The following MEGF9 variants were observed in gnomAD, a reference collection of about 807,000 sequenced individuals.
MEGF9 encodes the protein multiple epidermal growth factor-like domains protein 9.
A neutral mutation model predicts 46.8 loss-of-function variants in MEGF9; 6 were observed. The ratio of observed to expected loss-of-function variants is 0.13; its 90% confidence interval spans 0.07 to 0.25. MEGF9 has a LOEUF of 0.25. Among genes scored for constraint, MEGF9 ranks in the 10% least tolerant of loss-of-function variants. MEGF9 has a pLI of 1.00. For missense variants in MEGF9, 683 were observed against 792.4 expected (o/e 0.86, Z 1.66); for synonymous variants, 302 against 330.7 (o/e 0.91, Z 0.94).
At chr9:120,649,412 C>T (rs918108723) in intron 2 of MEGF9, among the ~76,000 whole-genome samples, 2 of 152,142 alleles carry the variant, frequency 1.3e-5, no homozygotes, top group African/African-American at 2.4e-5. Context: ...ACTCTGGTTT[C>T]CTCTCACATC....
At chr9:120,619,143 C>T (rs966971279) in intron 3 of MEGF9, among the ~76,000 whole-genome samples, 11 of 151,892 alleles carry the variant, frequency 7.2e-5, no homozygotes, top group African/African-American at 1.9e-4. Context: ...GTCAGGAGTT[C>T]GAGACCAGCC....
intron 1 of MEGF9, chr9:120,689,813 T>G (rs1024581632): frequency 8.2e-6 from 3 of 367,340 alleles, no homozygotes; most frequent in African/African-American, 2.1e-5. Flanking sequence ...AGTTGTGCTT[T>G]ATAACCACCT....
At chr9:120,635,129 A>T (rs367959223) in intron 2 of MEGF9, among the ~76,000 whole-genome samples, 2 of 152,238 alleles carry the variant, frequency 1.3e-5, no homozygotes, top group African/African-American at 4.8e-5. Flanking sequence ...AGCAACTTGA[A>T]TATATCAACC....
chr9:120,637,009 G>GA (rs1457217794), intron 2 of MEGF9, among the ~76,000 whole-genome samples: 1 of 152,234 alleles, frequency 6.6e-6, no homozygotes, highest in African/African-American at 2.4e-5. Context: ...GAAATGTGGG[G>GA]AAAAGAGAGA....
chr9:120,606,126 A>T (rs2043419520), intron 5 of MEGF9, among the ~76,000 whole-genome samples: 1 of 150,782 alleles, frequency 6.6e-6, no homozygotes, highest in South Asian at 2.1e-4. Flanking sequence ...AGCTGAGATC[A>T]TGCCACTGCA....
chr9:120,657,001 G>A (rs1366059347), intron 2 of MEGF9, among the ~76,000 whole-genome samples: 13 of 152,156 alleles, frequency 8.5e-5, no homozygotes. Flanking sequence ...CACCATGATT[G>A]GATATAAACC....
At chr9:120,674,032 C>G (rs908816809) in intron 1 of MEGF9, among the ~76,000 whole-genome samples, 4 of 148,528 alleles carry the variant, frequency 2.7e-5, no homozygotes, top group Non-Finnish European at 4.5e-5. Flanking sequence ...AAATGTAAAA[C>G]TATAACACTT....
Position 120,677,066 on chromosome 9 carries a change from A to G in MEGF9, c.602-17491T>C, listed in dbSNP as rs528330185. The stretch of plus-strand genomic sequence containing the variant: ...GGAGGAGATAAGGAGCAAAAAGAAG[A>G]AGAAATTCTACCTAATACTATTAAA... On this transcript the variant is annotated intron_variant, in intron 1 of 5. Transcript: ENST00000373930. 5.1e-4 allele frequency among the ~76,000 whole-genome samples: 78 copies of G among 152,254 alleles called. 2 individuals are homozygous for G. In the South Asian group the frequency reaches 0.015, roughly 29 times the overall value.
rs1207557073 is a variant in MEGF9 at position 120,611,817 on chromosome 9, GAAAAGA to G, written c.1087+573_1087+578del. Among the ~76,000 whole-genome samples, 14 of 119,066 alleles carry G rather than the reference GAAAAGA, an allele frequency of 1.2e-4. No homozygotes were observed. The East Asian group carries it at 2.4e-3, about 21-fold the overall frequency. 78.1% of individuals were successfully genotyped at this position (119,066 alleles called of 152,430 possible). ...AAAGAAAGGAAAGAAAGAAAGAAAA[GAAAAGA>G]AAAGAAAGAAAGGAAGGAAGGAAGG... On this transcript the variant is annotated intron_variant, in intron 4 of 5. Transcript: ENST00000373930.
intron 2 of MEGF9, among the ~76,000 whole-genome samples, chr9:120,634,969 G>T (rs753642502): frequency 3.9e-5 from 6 of 152,002 alleles, no homozygotes; most frequent in Non-Finnish European, 7.4e-5. Context: ...TACAGATGTA[G>T]GACTCCCTTG....
intron 1 of MEGF9, among the ~76,000 whole-genome samples, chr9:120,663,400 C>T (rs1480492929): frequency 6.6e-6 from 1 of 152,132 alleles, no homozygotes; most frequent in East Asian, 1.9e-4. Context: ...AATCTCAGAC[C>T]CTTCACAGGT....
intron 2 of MEGF9, among the ~76,000 whole-genome samples, chr9:120,628,762 C>A (rs1267063506): frequency 1.3e-5 from 2 of 152,120 alleles, no homozygotes; most frequent in Non-Finnish European, 2.9e-5. Flanking sequence ...CTGTTCTTTA[C>A]TCCAGAGGAA....
intron 2 of MEGF9, among the ~76,000 whole-genome samples, chr9:120,639,476 C>T (rs149449827): frequency 6.8e-6 from 1 of 146,282 alleles, no homozygotes; most frequent in Non-Finnish European, 1.5e-5. Context: ...CCACTGCACT[C>T]CAGCCTGGGT....
chr9:120,632,972 T>C (rs1032672822), intron 2 of MEGF9, among the ~76,000 whole-genome samples: 1 of 152,154 alleles, frequency 6.6e-6, no homozygotes, highest in African/African-American at 2.4e-5. Context: ...CTTTTTAATG[T>C]GTTGTTGGAT....
intron 2 of MEGF9, among the ~76,000 whole-genome samples, chr9:120,644,315 A>T (rs1207690549): frequency 6.6e-6 from 1 of 152,218 alleles, no homozygotes; most frequent in African/African-American, 2.4e-5. Flanking sequence ...TGTCACAATT[A>T]GAATGAGGTT....
At position 120,628,819 on chromosome 9, in the gene MEGF9, G is replaced by A. The variant is rs184034756; in HGVS notation, c.804-6064C>T. On this transcript the variant is annotated intron_variant, in intron 2 of 5. Coordinates refer to ENST00000373930, the MANE Select transcript of MEGF9 (RefSeq NM_001080497.3). ...GGCAGTTTGCTATGCAAATATCCTTGAATAAATAGTCCAGAACAAGGCAGT... is the reference window on the plus strand; with the variant it reads ...GGCAGTTTGCTATGCAAATATCCTTAAATAAATAGTCCAGAACAAGGCAGT... 8.5e-5 allele frequency among the ~76,000 whole-genome samples: 13 copies of A among 152,200 alleles called. 1 individual carries two copies. The highest frequency in any genetic ancestry group is 4.6e-4 in the Admixed American group (7 of 15,288).
chr9:120,607,704 A>G, intron 5 of MEGF9, 37 bp downstream of exon 5: 1 of 1,597,770 alleles, frequency 6.3e-7, no homozygotes, highest in Non-Finnish European at 8.6e-7. Flanking sequence ...TGCTAGTTTT[A>G]GATATTAAAT....
At chr9:120,635,388 T>G (rs1314533187) in intron 2 of MEGF9, among the ~76,000 whole-genome samples, 1 of 152,226 alleles carries the variant, frequency 6.6e-6, no homozygotes, top group Non-Finnish European at 1.5e-5. Context: ...TTTTAGCTAT[T>G]ATTTCATTAA....
At chr9:120,642,976 A>G (rs2043609340) in intron 2 of MEGF9, among the ~76,000 whole-genome samples, 1 of 152,148 alleles carries the variant, frequency 6.6e-6, no homozygotes, top group Non-Finnish European at 1.5e-5. Flanking sequence ...CAGAATATTC[A>G]TTTAATCTAC....
Sources: gnomAD v4.1 joint callset for allele counts (sites outside exome capture counted in the v4.1 genomes callset) on GRCh38, gnomAD v4.1.1 for gene constraint, MANE v1.5 for transcripts, NCBI Gene and HGNC (gene_info 2026-07-23, HGNC 2026-07-21) for gene names.